SRPK2: variants seen among roughly 807,000 people sequenced by gnomAD.
SRPK2 encodes the protein SFRS protein kinase 2.
Under a neutral mutation model 90.8 loss-of-function variants are expected in SRPK2, and 21 were observed. The observed-to-expected ratio is 0.23, with a 90% CI of 0.16 to 0.33. The LOEUF (loss-of-function observed/expected upper bound fraction) is 0.33. SRPK2 is among the 10% of genes least tolerant of loss of function. The pLI is 1.00. For missense variants in SRPK2, 620 were observed against 869.0 expected (o/e 0.71, Z 3.60); for synonymous variants, 288 against 311.1 (o/e 0.93, Z 0.78).
intron 2 of SRPK2, among the ~76,000 whole-genome samples, chr7:105,226,559 T>C (rs1001220070): frequency 6.6e-6 from 1 of 152,172 alleles, no homozygotes; most frequent in African/African-American, 2.4e-5. Context: ...CCCAAAGTGC[T>C]GGAAAGGTAT....
intron 2 of SRPK2, among the ~76,000 whole-genome samples, chr7:105,319,442 GGTGATTAACAATTTTTA>G (rs1319704633): frequency 8.0e-6 from 1 of 124,278 alleles, no homozygotes; most frequent in Non-Finnish European, 1.6e-5. Context: ...GAAACATACT[GGTGATTAACAATTTTTA>G]GTTTTTATTT....
chr7:105,286,947 C>T (rs1296820900), intron 2 of SRPK2, among the ~76,000 whole-genome samples: 1 of 152,140 alleles, frequency 6.6e-6, no homozygotes, highest in African/African-American at 2.4e-5. Flanking sequence ...AACTATGGTA[C>T]ATTCATAATA....
intron 2 of SRPK2, among the ~76,000 whole-genome samples, chr7:105,341,936 C>T (rs1815847629): frequency 6.6e-6 from 1 of 152,050 alleles, no homozygotes; most frequent in African/African-American, 2.4e-5. Flanking sequence ...CACTGCACTC[C>T]AGCCTGGCTG....
intron 2 of SRPK2, among the ~76,000 whole-genome samples, chr7:105,217,652 T>A (rs935951471): frequency 6.6e-5 from 10 of 152,220 alleles, no homozygotes; most frequent in African/African-American, 2.4e-4. Flanking sequence ...AGTTCCAAAT[T>A]CTGCAGGATT....
intron 7 of SRPK2, among the ~76,000 whole-genome samples, chr7:105,149,470 TGAAGA>T (rs1485811403): frequency 3.3e-5 from 5 of 151,590 alleles, no homozygotes. Context: ...GCTGAAATAA[TGAAGA>T]TAATAATCAA....
chr7:105,259,540 A>G (rs1032523620), intron 2 of SRPK2, among the ~76,000 whole-genome samples: 1 of 152,212 alleles, frequency 6.6e-6, no homozygotes, highest in Non-Finnish European at 1.5e-5. Flanking sequence ...AACTACTTTA[A>G]AGTTCATATG....
intron 1 of SRPK2, among the ~76,000 whole-genome samples, chr7:105,398,637 AG>A (rs1330278286): frequency 6.6e-6 from 1 of 152,154 alleles, no homozygotes; most frequent in Non-Finnish European, 1.5e-5. Flanking sequence ...AGCACCTCCA[AG>A]GCTTTTAAAT....
At chr7:105,370,028 A>AAACAACAACAACAACAACAACAAC (rs10694399) in intron 2 of SRPK2, among the ~76,000 whole-genome samples, 1 of 150,142 alleles carries the variant, frequency 6.7e-6, no homozygotes, top group African/African-American at 2.5e-5. Flanking sequence ...ACTCCATCTC[A>AAACAACAACAACAACAACAACAAC]AACAACAACA....
chr7:105,375,923 C>T (rs995668834), intron 2 of SRPK2, among the ~76,000 whole-genome samples: 1 of 148,860 alleles, frequency 6.7e-6, no homozygotes, highest in Non-Finnish European at 1.5e-5. Flanking sequence ...AAGGCTAAAG[C>T]AGGATCACTT....
intron 5 of SRPK2, 101 bp from the exon 6 acceptor site, chr7:105,167,565 T>C: frequency 3.3e-6 from 2 of 611,076 alleles, no homozygotes; most frequent in Non-Finnish European, 5.4e-6. Flanking sequence ...TATTTTAAAA[T>C]AAAAAATTCA....
intron 7 of SRPK2, among the ~76,000 whole-genome samples, chr7:105,158,040 G>A (rs933960433): frequency 5.3e-5 from 8 of 152,260 alleles, no homozygotes; most frequent in African/African-American, 1.9e-4. Flanking sequence ...ACTCCAGCCT[G>A]GGTAACAGAG....
At chr7:105,373,404 CTTT>C (rs60572082) in intron 2 of SRPK2, among the ~76,000 whole-genome samples, 11 of 127,436 alleles carry the variant, frequency 8.6e-5, no homozygotes, top group East Asian at 2.1e-4. Context: ...TTTTCTTTTC[CTTT>C]TTTTTTTTTT....
rs909941589 is a variant in SRPK2 at position 105,240,595 on chromosome 7, G to GA, written c.72-36811dup. ...GGGCAGTGGAGGAGGAGAAGAAAAG[G>GA]AAAAAAAAAATGTTTTTTTAATTTT... On this transcript the variant is annotated intron_variant, in intron 2 of 15. Transcript: ENST00000393651. Among the ~76,000 whole-genome samples, 425 of 147,626 alleles carry GA rather than the reference G, an allele frequency of 2.9e-3. 1 individual carries two copies. The highest frequency in any genetic ancestry group is 9.4e-3 in the African/African-American group (380 of 40,302).
chr7:105,339,973 A>G (rs924698683), intron 2 of SRPK2, among the ~76,000 whole-genome samples: 2 of 151,628 alleles, frequency 1.3e-5, no homozygotes, highest in Non-Finnish European at 1.5e-5. Flanking sequence ...TGGGAGGATC[A>G]CTTGAGTCCA....
At chr7:105,375,994 T>TC (rs1173808698) in intron 2 of SRPK2, among the ~76,000 whole-genome samples, 1 of 125,204 alleles carries the variant, frequency 8.0e-6, no homozygotes, top group Non-Finnish European at 1.7e-5. Context: ...TTTTTTTTTT[T>TC]TTTTTTTTTT....
intron 3 of SRPK2, among the ~76,000 whole-genome samples, chr7:105,170,709 CAAGA>C (rs1010574920): frequency 1.6e-4 from 16 of 98,592 alleles, no homozygotes; most frequent in African/African-American, 5.7e-4. Flanking sequence ...ACAAGAAAGA[CAAGA>C]AAGAAAGAAA....
intron 2 of SRPK2, among the ~76,000 whole-genome samples, chr7:105,284,673 C>T (rs532881712): frequency 2.0e-5 from 3 of 152,282 alleles, no homozygotes; most frequent in African/African-American, 7.2e-5. Flanking sequence ...AGGAGCTTTG[C>T]CAATTATCAC....
upstream of SRPK2, among the ~76,000 whole-genome samples, chr7:105,390,161 T>C (rs555002746): frequency 6.6e-6 from 1 of 152,278 alleles, no homozygotes; most frequent in East Asian, 1.9e-4. Flanking sequence ...TCAGTACATA[T>C]CTACTAAGAA....
At chr7:105,259,909 G>A (rs1803959200) in intron 2 of SRPK2, among the ~76,000 whole-genome samples, 1 of 152,168 alleles carries the variant, frequency 6.6e-6, no homozygotes, top group Non-Finnish European at 1.5e-5. Context: ...AGACTTAAAT[G>A]TAGGACCTAA....
Sources: gnomAD v4.1 joint callset for allele counts (sites outside exome capture counted in the v4.1 genomes callset) on GRCh38, gnomAD v4.1.1 for gene constraint, MANE v1.5 for transcripts, NCBI Gene and HGNC (gene_info 2026-07-23, HGNC 2026-07-21) for gene names.